NAB1: variants seen among roughly 807,000 people sequenced by gnomAD.
NAB1 encodes NGFI-A binding protein 1, also known as NGFI-A-binding protein 1.
Under a neutral mutation model 49.9 loss-of-function variants are expected in NAB1, and 25 were observed. That is an observed-to-expected ratio of 0.50 (90% CI 0.37 to 0.70). The LOEUF is 0.70. Among genes scored for constraint, NAB1 ranks in the 30% least tolerant of loss-of-function variants. The pLI, the probability that NAB1 is intolerant of heterozygous loss-of-function variation, is 0.00. For missense variants in NAB1, 489 were observed against 575.9 expected (o/e 0.85, Z 1.54); for synonymous variants, 198 against 215.6 (o/e 0.92, Z 0.71).
rs1695019945 is a variant in NAB1 at position 190,675,350 on chromosome 2, G to T, written c.1005+2198G>T. The stretch of plus-strand genomic sequence containing the variant: ...ATCATGAATCTCATGGACTGTTTGA[G>T]CTGCAGTTGTTTCTTGATGAGTTTT... On this transcript the variant is annotated intron_variant, in intron 6 of 9. Coordinates refer to ENST00000337386, the MANE Select transcript of NAB1 (RefSeq NM_005966.4). This position sits in a 1 kb window ranked among gnomAD's most constrained non-coding sequence, Gnocchi z 5.2. 1.3e-5 allele frequency among the ~76,000 whole-genome samples: 2 copies of T among 152,162 alleles called. No homozygotes were observed. Among genetic ancestry groups the T allele is most frequent in the African/African-American group, 4.8e-5 (2 of 41,420 alleles).
Position 190,684,487 on chromosome 2 carries a change from T to G in NAB1, c.1095+660T>G, listed in dbSNP as rs1200630217. 1.3e-5 allele frequency among the ~76,000 whole-genome samples: 2 copies of G among 152,212 alleles called. No homozygotes were observed. The highest frequency in any genetic ancestry group is 4.8e-5 in the African/African-American group (2 of 41,460). On this transcript the variant is annotated intron_variant, in intron 7 of 9. Transcript: ENST00000337386. This position sits in a 1 kb window ranked among gnomAD's most constrained non-coding sequence, Gnocchi z 4.6. The stretch of plus-strand genomic sequence containing the variant: ...AATACATTTTTTACCTCAGATATGC[T>G]TATTTAAATTTTGTCAATTTAGTAA...
chr2:190,692,669 T>C lies in NAB1; in HGVS notation c.*2336T>C, dbSNP rs1695982832. The C allele has an allele frequency of 6.6e-6, 1 of 152,648 alleles. No homozygotes were observed. Among genetic ancestry groups the C allele is most frequent in the African/African-American group, 2.4e-5 (1 of 41,454 alleles). 9.5% of individuals were successfully genotyped at this position (152,648 alleles called of 1,614,324 possible). A position where few individuals can be genotyped will look rare whatever the true frequency, so the allele number is the denominator to read the frequency against. ...TTCTCCCCGAGTCTCTTACACTTTA[T>C]TGTGCGATGTCCACGTTTTTGTGAC... On this transcript the variant is annotated 3_prime_UTR_variant, in exon 10 of 10. Coordinates refer to ENST00000337386, the MANE Select transcript of NAB1 (RefSeq NM_005966.4). The surrounding 1 kb of genome is among the most constrained non-coding windows in gnomAD (Gnocchi z 5.2).
At chr2:190,673,067 G>GTTT (rs5837195) in intron 5 of NAB1, 34 bp from the exon 6 acceptor site, 255 of 1,470,592 alleles carry the variant, frequency 1.7e-4, no homozygotes, top group Admixed American at 5.5e-4. Context: ...ACTTTCTCAA[G>GTTT]TTTTTTTTTT....
At position 190,654,759 on chromosome 2, in the gene NAB1, A is replaced by G. The variant is rs1693836585; in HGVS notation, c.-196-1218A>G. Among the ~76,000 whole-genome samples the G allele has an allele frequency of 6.6e-6, 1 of 152,200 alleles. No homozygotes were observed. The highest frequency in any genetic ancestry group is 1.5e-5 in the Non-Finnish European group (1 of 68,024). ...AAAATTGGGGCAAGAAGCAATGAAC[A>G]CTAGAATTTGGTGCTTTTGAGGCAG... On this transcript the variant is annotated intron_variant, in intron 2 of 9. Coordinates refer to ENST00000337386, the MANE Select transcript of NAB1 (RefSeq NM_005966.4). The surrounding 1 kb of genome is among the most constrained non-coding windows in gnomAD (Gnocchi z 5.6).
Position 190,652,552 on chromosome 2 carries a change from T to C in NAB1, c.-197+2570T>C, listed in dbSNP as rs1027092967. 1.2e-4 allele frequency among the ~76,000 whole-genome samples: 19 copies of C among 152,236 alleles called. No individual in the cohort carries two copies. Among genetic ancestry groups the C allele is most frequent in the African/African-American group, 4.3e-4 (18 of 41,472 alleles). ...ATTTTTATTAAAATTTTAAGGTGTCTCTAAAATTTTTTTCCAGCTTCATTC... is the reference window on the plus strand; with the variant it reads ...ATTTTTATTAAAATTTTAAGGTGTCCCTAAAATTTTTTTCCAGCTTCATTC... On this transcript the variant is annotated intron_variant, in intron 2 of 9. Coordinates refer to ENST00000337386, the MANE Select transcript of NAB1 (RefSeq NM_005966.4). This position sits in a 1 kb window ranked among gnomAD's most constrained non-coding sequence, Gnocchi z 4.2.
rs758939103 is a variant in NAB1 at position 190,654,799 on chromosome 2, G to A, written c.-196-1178G>A. On this transcript the variant is annotated intron_variant, in intron 2 of 9. Coordinates refer to ENST00000337386, the MANE Select transcript of NAB1 (RefSeq NM_005966.4). The surrounding 1 kb of genome is among the most constrained non-coding windows in gnomAD (Gnocchi z 5.6). ...TTTTGAGGCAGAGAAAGAAGTGGTGGTGTAGCCTAAGGACATGTAGATTTG... is the reference window on the plus strand; with the variant it reads ...TTTTGAGGCAGAGAAAGAAGTGGTGATGTAGCCTAAGGACATGTAGATTTG... Among the ~76,000 whole-genome samples the A allele has an allele frequency of 2.0e-5, 3 of 152,118 alleles. No homozygotes were observed. Among genetic ancestry groups the A allele is most frequent in the Non-Finnish European group, 4.4e-5 (3 of 68,014 alleles).
intron 4 of NAB1, among the ~76,000 whole-genome samples, chr2:190,662,195 C>T (rs1375987678): frequency 6.6e-6 from 1 of 152,036 alleles, no homozygotes; most frequent in East Asian, 1.9e-4. Context: ...AGACATAGAG[C>T]TGTATGTAGG....
intron 6 of NAB1, among the ~76,000 whole-genome samples, chr2:190,681,674 G>A (rs1695352792): frequency 6.6e-6 from 1 of 152,130 alleles, no homozygotes; most frequent in African/African-American, 2.4e-5. Context: ...TTAGCTCTTG[G>A]CTCTATATCA....
At chr2:190,658,235 T>C (rs1306483015) in intron 3 of NAB1, among the ~76,000 whole-genome samples, 4 of 152,188 alleles carry the variant, frequency 2.6e-5, no homozygotes, top group Non-Finnish European at 5.9e-5. Context: ...CCTACAGCCC[T>C]CTCCCTGATA....
Position 190,659,729 on chromosome 2 carries a change from A to G in NAB1, c.553A>G (p.Lys185Glu). The G allele has an allele frequency of 2.5e-6, 4 of 1,614,022 alleles. No homozygotes were observed. Among genetic ancestry groups the G allele is most frequent in the Non-Finnish European group, 3.4e-6 (4 of 1,179,962 alleles). Residue 185 changes from lysine to glutamate, a missense_variant, in exon 4 of 10, where the codon AAG becomes GAG. This residue lies in a region of NAB1 where 204 missense variants were observed against 220.9 expected (regional missense o/e 0.92). Transcript: ENST00000337386. This position sits in a 1 kb window ranked among gnomAD's most constrained non-coding sequence, Gnocchi z 6.2. ...AGACCTGGGCTCCCCCGCGTCCCCA[A>G]AGGAGAGCAGTGAGGCGCTGGATGC... ...PADLGSPASP[K>E]ESSEALDAAA...
intron 6 of NAB1, 53 bp downstream of exon 6, chr2:190,673,205 A>C (rs749264464): frequency 6.4e-7 from 1 of 1,564,528 alleles, no homozygotes; most frequent in Non-Finnish European, 8.8e-7. Context: ...TTTTGTTTTA[A>C]GATCAAGCAA....
chr2:190,689,851 A>C lies in NAB1; in HGVS notation c.1376-394A>C, dbSNP rs920632924. ...TCCTTTTATATATTTATCATGTTGG[A>C]TCAAGCATTAAATAAAAATTAATAT... On this transcript the variant is annotated intron_variant, in intron 9 of 9. Transcript: ENST00000337386. The surrounding 1 kb of genome is among the most constrained non-coding windows in gnomAD (Gnocchi z 4.3). 1.3e-5 allele frequency among the ~76,000 whole-genome samples: 2 copies of C among 151,776 alleles called. No homozygotes were observed. The highest frequency in any genetic ancestry group is 4.8e-5 in the African/African-American group (2 of 41,320).
intron 9 of NAB1, among the ~76,000 whole-genome samples, chr2:190,690,012 C>CATATATGTATAG (rs1695840942): frequency 4.1e-5 from 3 of 73,418 alleles, no homozygotes; most frequent in Non-Finnish European, 9.1e-5. Context: ...ATGTATACAT[C>CATATATGTATAG]TATACATATA....
Position 190,657,241 on chromosome 2 carries a change from T to C in NAB1, c.-20+1088T>C, listed in dbSNP as rs1193147238. Among the ~76,000 whole-genome samples, 1 of 152,144 alleles carries C rather than the reference T, an allele frequency of 6.6e-6. No homozygotes were observed. Among genetic ancestry groups the C allele is most frequent in the Admixed American group, 6.5e-5 (1 of 15,272 alleles). ...TGTGAGTTAGTGCCCAGGTGGATGA[T>C]AGATTCTCCCTGGAGTGGGAGGACA... is the stretch of plus-strand genomic sequence containing the variant. On this transcript the variant is annotated intron_variant, in intron 3 of 9. Coordinates refer to ENST00000337386, the MANE Select transcript of NAB1 (RefSeq NM_005966.4). This position sits in a 1 kb window ranked among gnomAD's most constrained non-coding sequence, Gnocchi z 4.4.
chr2:190,681,914 A>G (rs1377590870), intron 6 of NAB1, among the ~76,000 whole-genome samples: 1 of 152,134 alleles, frequency 6.6e-6, no homozygotes, highest in Admixed American at 6.5e-5. Context: ...GTTTTTAAGG[A>G]TTTGCCCTCT....
Position 190,679,929 on chromosome 2 carries a change from C to G in NAB1, c.1006-3809C>G, listed in dbSNP as rs1255245508. Among the ~76,000 whole-genome samples the G allele has an allele frequency of 1.3e-5, 2 of 152,190 alleles. No individual in the cohort carries two copies. On this transcript the variant is annotated intron_variant, in intron 6 of 9. Coordinates refer to ENST00000337386, the MANE Select transcript of NAB1 (RefSeq NM_005966.4). The surrounding 1 kb of genome is among the most constrained non-coding windows in gnomAD (Gnocchi z 5.3). ...CACTGCCCCTGCTTACCTGGCTTAT[C>G]TACACACGGAGGTCTCACTAGCAAA...
At chr2:190,668,089 A>G (rs1694616304) in intron 4 of NAB1, among the ~76,000 whole-genome samples, 1 of 152,208 alleles carries the variant, frequency 6.6e-6, no homozygotes, top group Non-Finnish European at 1.5e-5. Context: ...AAGTTTTAAA[A>G]AGATAATAAC....
chr2:190,655,060 G>T (rs1021965714), intron 2 of NAB1, among the ~76,000 whole-genome samples: 1 of 152,156 alleles, frequency 6.6e-6, no homozygotes, highest in East Asian at 1.9e-4. Flanking sequence ...TGGGCTGATG[G>T]TTCTGAACTT....
chr2:190,661,650 C>CT (rs1283206095), intron 4 of NAB1, among the ~76,000 whole-genome samples: 10 of 151,978 alleles, frequency 6.6e-5, no homozygotes, highest in Non-Finnish European at 1.2e-4. Context: ...CTCTTTGCCT[C>CT]TTTAGATAAG....
Sources: allele counts gnomAD v4.1 joint callset (sites outside exome capture counted in the v4.1 genomes callset), GRCh38; gene constraint gnomAD v4.1.1; regional missense constraint gnomAD v4.1.1; non-coding constraint Gnocchi (gnomAD v3.1); transcripts MANE v1.5; gene names NCBI Gene and HGNC (gene_info 2026-07-23, HGNC 2026-07-21).